The following LRMDA variants were observed in gnomAD, a reference collection of about 807,000 sequenced individuals.
The protein encoded by LRMDA is leucine rich melanocyte differentiation associated, also known as leucine-rich melanocyte differentiation-associated protein.
LRMDA carries 18 observed loss-of-function variants against 29.8 expected under a neutral mutation model. That is an observed-to-expected ratio of 0.60 (90% CI 0.42 to 0.90). The LOEUF is 0.90. LRMDA is among the 40% of genes least tolerant of loss of function. The pLI, the probability that LRMDA is intolerant of heterozygous loss-of-function variation, is 0.00. For missense variants in LRMDA, 273 were observed against 273.9 expected, an observed-to-expected ratio of 1.00 and a Z score of 0.02; for synonymous variants, 125 against 109.4, an observed-to-expected ratio of 1.14 and a Z score of -0.89.
chr10:76,443,147 A>G (rs962389375), intron 6 of LRMDA, among the ~76,000 whole-genome samples: 3 of 152,186 alleles, frequency 2.0e-5, no homozygotes, highest in African/African-American at 7.2e-5. Flanking sequence ...GAAAGCCATA[A>G]GGTACCTGGT....
intron 5 of LRMDA, among the ~76,000 whole-genome samples, chr10:76,289,076 A>G (rs1840306918): frequency 6.6e-6 from 1 of 152,224 alleles, no homozygotes; most frequent in South Asian, 2.1e-4. Context: ...GGGCAAGGAC[A>G]TATTACAGTG....
chr10:75,679,925 A>AGGGTT (rs1842004295), intron 2 of LRMDA, among the ~76,000 whole-genome samples: 1 of 152,174 alleles, frequency 6.6e-6, no homozygotes. Context: ...AAACCCTTAA[A>AGGGTT]TTATCTTAAA....
intron 6 of LRMDA, among the ~76,000 whole-genome samples, chr10:76,404,624 A>G (rs1353026503): frequency 3.3e-5 from 5 of 152,036 alleles, no homozygotes; most frequent in African/African-American, 1.2e-4. Flanking sequence ...CCCAGCCTGG[A>G]TGCTCTTTCC....
In LRMDA at chr10:75,527,692, ATAT is replaced by A. The variant is rs201004747; in HGVS notation, c.131+89202_131+89204del. Among the ~76,000 whole-genome samples the A allele has an allele frequency of 6.3e-3, 936 of 147,652 alleles. 13 individuals carry two copies. Among genetic ancestry groups the A allele is most frequent in the African/African-American group, 0.021 (872 of 40,728 alleles). On this transcript the variant is annotated intron_variant, in intron 2 of 6. Coordinates refer to ENST00000611255, the MANE Select transcript of LRMDA (RefSeq NM_001305581.2). ...TTATAATATAAATCATATATAATTTATATTATAATTGTTATATAATATATTAAT... is the reference window on the plus strand; with the variant it reads ...TTATAATATAAATCATATATAATTTATATAATTGTTATATAATATATTAAT...
intron 2 of LRMDA, among the ~76,000 whole-genome samples, chr10:75,851,575 G>T (rs182580578): frequency 6.6e-6 from 1 of 152,082 alleles, no homozygotes; most frequent in African/African-American, 2.4e-5. Context: ...ATAAATTAGC[G>T]ACTTCTAAAT....
chr10:76,365,238 A>G (rs1422219799), intron 6 of LRMDA, among the ~76,000 whole-genome samples: 1 of 151,402 alleles, frequency 6.6e-6, no homozygotes, highest in East Asian at 1.9e-4. Context: ...TCAAATAATG[A>G]CTTCTTTTCC....
intron 6 of LRMDA, among the ~76,000 whole-genome samples, chr10:76,510,388 G>GT (rs1842998748): frequency 6.7e-6 from 1 of 150,242 alleles, no homozygotes. Context: ...TGTTTTACAA[G>GT]TTTGAGACAT....
At chr10:75,608,639 C>T (rs1274038262) in intron 2 of LRMDA, among the ~76,000 whole-genome samples, 1 of 152,012 alleles carries the variant, frequency 6.6e-6, no homozygotes, top group African/African-American at 2.4e-5. Context: ...AATAACAAAA[C>T]CCAAGAGCCA....
At chr10:75,751,330 A>G (rs1027408789) in intron 2 of LRMDA, among the ~76,000 whole-genome samples, 35 of 147,134 alleles carry the variant, frequency 2.4e-4, no homozygotes, top group African/African-American at 7.7e-4. Flanking sequence ...GGAGAGGGAG[A>G]CCGGGGAGAG....
At chr10:76,211,570 T>A (rs1851634549) in intron 5 of LRMDA, among the ~76,000 whole-genome samples, 1 of 152,204 alleles carries the variant, frequency 6.6e-6, no homozygotes, top group Non-Finnish European at 1.5e-5. Flanking sequence ...GTACTTTAGA[T>A]TTTTTACTTT....
intron 2 of LRMDA, among the ~76,000 whole-genome samples, chr10:75,819,153 A>C (rs753499888): frequency 6.6e-6 from 1 of 152,188 alleles, no homozygotes; most frequent in Non-Finnish European, 1.5e-5. Context: ...GAGCTCTTTC[A>C]ATTCCCTCCC....
intron 6 of LRMDA, among the ~76,000 whole-genome samples, chr10:76,421,899 G>T (rs575996748): frequency 3.3e-5 from 5 of 152,226 alleles, no homozygotes; most frequent in South Asian, 2.1e-4. Context: ...AAAACTTGAG[G>T]CTCTGAATAA....
intron 2 of LRMDA, among the ~76,000 whole-genome samples, chr10:76,011,137 G>C: frequency 6.6e-6 from 1 of 152,100 alleles, no homozygotes; most frequent in East Asian, 1.9e-4. Context: ...AGGAGGATGG[G>C]GTAGAGAGTG....
chr10:76,202,747 A>G (rs979660282), intron 5 of LRMDA, among the ~76,000 whole-genome samples: 1 of 151,972 alleles, frequency 6.6e-6, no homozygotes, highest in East Asian at 1.9e-4. Context: ...TGGAAGGGGA[A>G]CTTGATGTGC....
intron 2 of LRMDA, among the ~76,000 whole-genome samples, chr10:75,500,442 GAC>G (rs1373657444): frequency 1.3e-5 from 2 of 152,296 alleles, no homozygotes; most frequent in East Asian, 3.9e-4. Context: ...GCTGAGAAGT[GAC>G]AGATGATCTC....
intron 3 of LRMDA, among the ~76,000 whole-genome samples, chr10:76,038,220 T>A (rs1454293391): frequency 1.3e-5 from 2 of 152,200 alleles, no homozygotes; most frequent in Non-Finnish European, 2.9e-5. Context: ...GTGAGCTTCT[T>A]TTTCTCATTT....
chr10:76,362,063 C>A (rs145218673), intron 6 of LRMDA, among the ~76,000 whole-genome samples: 1 of 152,152 alleles, frequency 6.6e-6, no homozygotes, highest in Non-Finnish European at 1.5e-5. Context: ...CAGAGGGGAC[C>A]GGAGAGGCTC....
chr10:75,856,070 A>C (rs895627781), intron 2 of LRMDA, among the ~76,000 whole-genome samples: 1 of 152,096 alleles, frequency 6.6e-6, no homozygotes, highest in Non-Finnish European at 1.5e-5. Flanking sequence ...TTCCATATGA[A>C]CTTTTAAGGA....
At chr10:75,920,815 C>T (rs1846013681) in intron 2 of LRMDA, among the ~76,000 whole-genome samples, 1 of 152,230 alleles carries the variant, frequency 6.6e-6, no homozygotes, top group Admixed American at 6.5e-5. Flanking sequence ...GCTGCACCCC[C>T]AGGAAGTACT....
Sources: allele counts gnomAD v4.1 joint callset (sites outside exome capture counted in the v4.1 genomes callset), GRCh38; gene constraint gnomAD v4.1.1; transcripts MANE v1.5; gene names NCBI Gene and HGNC (gene_info 2026-07-23, HGNC 2026-07-21).